The following TMEM45A variants were observed in gnomAD, a reference collection of about 807,000 sequenced individuals.
TMEM45A encodes DNA polymerase-transactivated protein 4.
A neutral mutation model predicts 32.0 loss-of-function variants in TMEM45A; 25 were observed. The observed-to-expected ratio is 0.78, with a 90% confidence interval of 0.57 to 1.09. The LOEUF is 1.09. Among genes scored for constraint, TMEM45A ranks in the 50% least tolerant of loss-of-function variants. The probability of loss-of-function intolerance (pLI) is 0.00; values close to 1 mark genes in which losing one functional copy is unlikely to be tolerated. For synonymous variants in TMEM45A, 122 were observed against 114.8 expected (o/e 1.06, Z -0.40); for missense variants, 302 against 325.0 (o/e 0.93, Z 0.54).
intron 1 of TMEM45A, 140 bp from the exon 2 acceptor site, chr3:100,555,069 A>T: frequency 1.4e-6 from 1 of 714,040 alleles, no homozygotes; most frequent in Non-Finnish European, 2.3e-6. Context: ...TATGCACAGT[A>T]ATGTAGGATC....
intron 1 of TMEM45A, among the ~76,000 whole-genome samples, chr3:100,535,151 C>T (rs111750030): frequency 0.014 from 2,132 of 151,524 alleles, 43 homozygotes; most frequent in African/African-American, 0.049. Flanking sequence ...GATGGAGTCT[C>T]ACTCTGTCAC....
At chr3:100,515,345 G>C (rs1181019483) in intron 1 of TMEM45A, among the ~76,000 whole-genome samples, 1 of 151,494 alleles carries the variant, frequency 6.6e-6, no homozygotes, top group African/African-American at 2.4e-5. Flanking sequence ...GGATGAAATT[G>C]GAAATCATCA....
Position 100,568,868 on chromosome 3 carries a change from T to C in TMEM45A, c.635T>C (p.Leu212Pro). The change falls in exon 5 of 6, where the codon CTG (leucine) becomes CCG (proline). Residue 212 changes from leucine to proline, a missense_variant. Transcript: ENST00000323523. ...YPPSGGPAWD[L>P]MDHENILFLT... ...CCCAGTGGAGGTCCTGCATGGGATC[T>C]GATGGATCATGAAAATATTTTGTTT... is the stretch of plus-strand genomic sequence containing the variant. The C allele has an allele frequency of 6.2e-7, 1 of 1,613,944 alleles. No individual in the cohort carries two copies. The highest frequency in any genetic ancestry group is 8.5e-7 in the Non-Finnish European group (1 of 1,179,830).
chr3:100,525,686 A>G (rs1181572781), intron 1 of TMEM45A, among the ~76,000 whole-genome samples: 2 of 152,194 alleles, frequency 1.3e-5, no homozygotes, highest in Non-Finnish European at 2.9e-5. Flanking sequence ...CATTCCAGGT[A>G]GAGGAAACAG....
At chr3:100,548,247 A>G (rs1302380552) in intron 1 of TMEM45A, among the ~76,000 whole-genome samples, 4 of 152,226 alleles carry the variant, frequency 2.6e-5, no homozygotes, top group Non-Finnish European at 4.4e-5. Flanking sequence ...GACACTGACA[A>G]GAGACAAATG....
chr3:100,556,566 T>G (rs1379444865), intron 2 of TMEM45A, among the ~76,000 whole-genome samples, 194 bp from the exon 3 acceptor site: 2 of 152,232 alleles, frequency 1.3e-5, no homozygotes, highest in Non-Finnish European at 2.9e-5. Flanking sequence ...CTAAAACTAT[T>G]TATTTGAACC....
chr3:100,557,012 A>G (rs1431616544), intron 3 of TMEM45A, 40 bp downstream of exon 3: 2 of 1,596,216 alleles, frequency 1.3e-6, no homozygotes, highest in South Asian at 1.1e-5. Flanking sequence ...TTTCTCTATT[A>G]GTGAGCATTT....
chr3:100,530,652 A>G (rs997597456), intron 1 of TMEM45A, among the ~76,000 whole-genome samples: 1 of 152,196 alleles, frequency 6.6e-6, no homozygotes, highest in Non-Finnish European at 1.5e-5. Flanking sequence ...ACTTTAGTAT[A>G]TATCTTTATA....
At chr3:100,539,432 G>GATATGCATATGCATATGTATATGC (rs1183330652) in intron 1 of TMEM45A, among the ~76,000 whole-genome samples, 2 of 83,118 alleles carry the variant, frequency 2.4e-5, no homozygotes, top group African/African-American at 7.9e-5. Flanking sequence ...AACCCAATAG[G>GATATGCATATGCATATGTATATGC]ATATGTATAT....
At chr3:100,526,468 A>G (rs1705546410) in intron 1 of TMEM45A, among the ~76,000 whole-genome samples, 1 of 152,212 alleles carries the variant, frequency 6.6e-6, no homozygotes, top group South Asian at 2.1e-4. Context: ...AGGTTCTGGC[A>G]TCCATCAAAC....
chr3:100,521,750 G>A (rs1179659440), intron 1 of TMEM45A, among the ~76,000 whole-genome samples: 1 of 152,198 alleles, frequency 6.6e-6, no homozygotes, highest in Non-Finnish European at 1.5e-5. Context: ...GCTGTGGCAG[G>A]TGGGGCTGTT....
chr3:100,531,457 G>A (rs1705646482), intron 1 of TMEM45A, among the ~76,000 whole-genome samples: 1 of 152,196 alleles, frequency 6.6e-6, no homozygotes, highest in Non-Finnish European at 1.5e-5. Flanking sequence ...GCTGGAGTTT[G>A]CATTTGTATT....
intron 1 of TMEM45A, among the ~76,000 whole-genome samples, chr3:100,553,030 T>A (rs1317907710): frequency 6.6e-6 from 1 of 152,230 alleles, no homozygotes; most frequent in Non-Finnish European, 1.5e-5. Flanking sequence ...GTAAAATTGT[T>A]CATTTGGTTT....
In TMEM45A at chr3:100,577,211, C is replaced by T. The variant is rs1240776704; in HGVS notation, c.*193C>T. On this transcript the variant is annotated 3_prime_UTR_variant, in exon 6 of 6. Coordinates refer to ENST00000323523, the MANE Select transcript of TMEM45A (RefSeq NM_018004.3). ...AGCTTTGAAAATATTTTGGGTGATACTTTCATTTTGCACATCATGCACATC... is the reference window on the plus strand; with the variant it reads ...AGCTTTGAAAATATTTTGGGTGATATTTTCATTTTGCACATCATGCACATC... 4.3e-5 allele frequency: 21 copies of T among 492,102 alleles called. No individual in the cohort carries two copies. Among genetic ancestry groups the T allele is most frequent in the Non-Finnish European group, 6.7e-5 (19 of 282,326 alleles). 30.5% of individuals were successfully genotyped at this position (492,102 alleles called of 1,614,324 possible).
intron 1 of TMEM45A, among the ~76,000 whole-genome samples, chr3:100,511,958 A>T (rs1284087661): frequency 5.3e-5 from 8 of 152,090 alleles, no homozygotes; most frequent in African/African-American, 1.9e-4. Context: ...ATACAGGAGC[A>T]CCCAGATTCA....
chr3:100,551,534 C>T (rs753269411), intron 1 of TMEM45A, among the ~76,000 whole-genome samples: 5 of 152,082 alleles, frequency 3.3e-5, no homozygotes, highest in Non-Finnish European at 5.9e-5. Context: ...TTGGCTTTTA[C>T]AAGGAGTAAG....
At chr3:100,499,894 T>G (rs2148925451) in intron 1 of TMEM45A, among the ~76,000 whole-genome samples, 1 of 152,314 alleles carries the variant, frequency 6.6e-6, no homozygotes, top group African/African-American at 2.4e-5. Context: ...CCCTACACTT[T>G]ATAGCTTTTA....
chr3:100,539,484 T>TACGTATAC (rs1559644578), intron 1 of TMEM45A, among the ~76,000 whole-genome samples: 1 of 112,014 alleles, frequency 8.9e-6, no homozygotes, highest in Admixed American at 8.5e-5. Flanking sequence ...TATATGTATA[T>TACGTATAC]GTATATGTAT....
chr3:100,558,361 T>A (rs777701370), intron 3 of TMEM45A, 44 bp from the exon 4 acceptor site: 1 of 1,607,494 alleles, frequency 6.2e-7, no homozygotes, highest in Admixed American at 1.7e-5. Flanking sequence ...CAGTGGGTGG[T>A]CCTTGGTTCC....
Sources: gnomAD v4.1 joint callset for allele counts (sites outside exome capture counted in the v4.1 genomes callset) on GRCh38, gnomAD v4.1.1 for gene constraint, MANE v1.5 for transcripts, NCBI Gene and HGNC (gene_info 2026-07-23, HGNC 2026-07-21) for gene names.